MICAL1: variants seen among roughly 807,000 people sequenced by gnomAD.
The protein encoded by MICAL1 is microtubule associated monooxygenase, calponin and LIM domain containing 1, also known as [F-actin]-monooxygenase MICAL1.
Under a neutral mutation model 131.8 loss-of-function variants are expected in MICAL1, and 95 were observed. The ratio of observed to expected loss-of-function variants is 0.72; its 90% CI spans 0.61 to 0.86. MICAL1 has a LOEUF of 0.86. Ranked by LOEUF, MICAL1 falls within the 40% of genes least tolerant of loss-of-function variation. MICAL1 has a pLI of 0.00. For missense variants in MICAL1, 1,292 were observed against 1,380.6 expected (o/e 0.94, Z 1.02); for synonymous variants, 546 against 554.2 (o/e 0.99, Z 0.21).
chr6:109,449,731 T>G lies in MICAL1; in HGVS notation c.1360A>C (p.Asn454His), dbSNP rs1289313634. Residue 454 changes from asparagine to histidine, a missense_variant, in exon 10 of 25, where the codon AAT becomes CAT. Transcript: ENST00000358807. ...SQTSPENMHR[N>H]VAQYGLDPAT... The stretch of plus-strand genomic sequence containing the variant: ...GGGTCCAGCCCATACTGGGCCACAT[T>G]GCGATGCATGTTTTCTGGGGATGTC... 7 of 1,604,574 alleles carry G rather than the reference T, an allele frequency of 4.4e-6. No homozygotes were observed. Among genetic ancestry groups the G allele is most frequent in the Non-Finnish European group, 6.0e-6 (7 of 1,175,352 alleles).
chr6:109,458,274 T>C (rs1775806289), upstream of MICAL1, among the ~76,000 whole-genome samples: 2 of 152,116 alleles, frequency 1.3e-5, no homozygotes, highest in African/African-American at 4.8e-5. Context: ...ATCAAATAAG[T>C]GGGTGACACA....
rs1562288013 is a variant in MICAL1 at position 109,447,238 on chromosome 6, A to C, written c.2071-9T>G. 1 of 1,613,762 alleles carries C rather than the reference A, an allele frequency of 6.2e-7. No individual in the cohort carries two copies. On this transcript the variant is annotated splice_polypyrimidine_tract_variant and intron_variant, in intron 16 of 24. Coordinates refer to ENST00000358807, the MANE Select transcript of MICAL1 (RefSeq NM_022765.4). ...AGGTCCCCAGCACCGGCCTGCGTGG[A>C]CCCCCAGGACACAGGGTCAGGTGGA... is the stretch of plus-strand genomic sequence containing the variant.
intron 15 of MICAL1, 96 bp from the exon 16 acceptor site, chr6:109,447,536 A>G: frequency 4.7e-6 from 7 of 1,493,910 alleles, no homozygotes; most frequent in Non-Finnish European, 6.5e-6. Context: ...AGGGAAGGGG[A>G]GTGAGACTAG....
At chr6:109,454,299 G>A in intron 1 of MICAL1, 60 bp from the exon 2 acceptor site, 1 of 1,464,484 alleles carries the variant, frequency 6.8e-7, no homozygotes, top group Non-Finnish European at 9.1e-7. Flanking sequence ...AAAAGGAAGG[G>A]GAGGCGAAGA....
At position 109,463,866 on chromosome 6, in the gene MICAL1, A is replaced by C. The variant is rs1161748513; in HGVS notation, c.14+1798T>G. 2.6e-5 allele frequency: 4 copies of C among 152,352 alleles called. No homozygotes were observed. In the East Asian group the frequency reaches 7.7e-4, roughly 29 times the overall value. The allele number at this position is 152,352 out of a possible 1,614,324, so 9.4% of individuals were successfully genotyped here. ...TTATGTTTTTAAAAGTTGCTACTAG[A>C]ACATTTAAAGTGACCTATGTTGTTC... On this transcript the variant is annotated intron_variant, in intron 1 of 24. Coordinates refer to the MICAL1 transcript ENST00000630715.
intron 7 of MICAL1, among the ~76,000 whole-genome samples, 167 bp from the exon 8 acceptor site, chr6:109,450,724 G>T (rs536806635): frequency 7.2e-5 from 11 of 152,196 alleles, no homozygotes; most frequent in Admixed American, 1.3e-4. Context: ...AATTCCAGCA[G>T]CCTGGAATTC....
chr6:109,460,424 G>A (rs770823329), upstream of MICAL1, among the ~76,000 whole-genome samples: 442 of 109,294 alleles, frequency 4.0e-3, 1 homozygote, highest in Non-Finnish European at 4.6e-3. Flanking sequence ...AAGACCCTAC[G>A]TAAAAAAAAA....
intron 20 of MICAL1, 30 bp downstream of exon 20, chr6:109,445,741 C>G (rs181659607): frequency 1.3e-6 from 2 of 1,596,598 alleles, no homozygotes; most frequent in East Asian, 4.5e-5. Flanking sequence ...GGCTGGAGAG[C>G]GTTTTGTGGC....
At position 109,450,008 on chromosome 6, in the gene MICAL1, CCACCGCTT is replaced by C; in HGVS notation, c.1261_1268del (p.Lys421GlyfsTer5). ...CCTCTAGGGACTCAGCGCCCTCTGC[CCACCGCTT>C]CACCATCCAGGCTGCATCAAAGGCT... On this transcript the variant is annotated frameshift_variant, in exon 9 of 25. Coordinates refer to ENST00000358807, the MANE Select transcript of MICAL1 (RefSeq NM_022765.4). LOFTEE classifies it high-confidence loss of function. The C allele has an allele frequency of 6.2e-7, 1 of 1,614,094 alleles. No homozygotes were observed. The highest frequency in any genetic ancestry group is 1.7e-5 in the Admixed American group (1 of 60,014).
rs1322332407 is a variant in MICAL1, at chr6:109,444,230, C to T, written c.3165G>A (p.Arg1055=). 1.2e-6 allele frequency: 2 copies of T among 1,613,664 alleles called. No individual in the cohort carries two copies. Among genetic ancestry groups the T allele is most frequent in the Non-Finnish European group, 1.7e-6 (2 of 1,180,036 alleles). ...CTGTCCCCAAGGCCAGCTCGCTGAG[C>T]CTGCGCTCCTCCTGGAAGCGGATGA... The part of the protein sequence containing the change: ...DALIRFQEER[R]LSELALGTGA... Residue 1055 remains arginine (R), a synonymous_variant, in exon 25 of 25, where the codon AGG becomes AGA. Coordinates refer to ENST00000358807, the MANE Select transcript of MICAL1 (RefSeq NM_022765.4).
At chr6:109,446,647 C>T (rs762815196) in intron 18 of MICAL1, 49 bp downstream of exon 18, 3 of 1,584,554 alleles carry the variant, frequency 1.9e-6, no homozygotes, top group African/African-American at 2.7e-5. Flanking sequence ...TGACGAGACC[C>T]TCTTCCTCTT....
chr6:109,454,474 AGGGCACATGGGACACCAG>A (rs1255282462), intron 1 of MICAL1, among the ~76,000 whole-genome samples: 44 of 152,174 alleles, frequency 2.9e-4, no homozygotes, highest in African/African-American at 9.9e-4. Context: ...TTGGGCACAG[AGGGCACATGGGACACCAG>A]GGGAGCCTCC....
In MICAL1 at chr6:109,448,773, TAGCCCATC is replaced by T; in HGVS notation, c.1615_1622del (p.Asp539SerfsTer38). On this transcript the variant is annotated frameshift_variant, in exon 12 of 25. Coordinates refer to ENST00000358807, the MANE Select transcript of MICAL1 (RefSeq NM_022765.4). LOFTEE classifies it high-confidence loss of function. ...GCCGGTACACCAGGGCACACAGAGC[TAGCCCATC>T]AGCCCAGGAGGAAGACAAATCGGAG... 1.9e-6 allele frequency: 3 copies of T among 1,614,090 alleles called. No individual in the cohort carries two copies. The highest frequency in any genetic ancestry group is 1.7e-4 in the Middle Eastern group (1 of 6,060).
Position 109,450,293 on chromosome 6 carries a change from C to A in MICAL1, c.1191+7G>T, listed in dbSNP as rs758670460. ...CATGAAACCCCTGTGCCTCCTGAAC[C>A]CCTCACCTCCACCAGGCAGTCCCCC... On this transcript the variant is annotated splice_region_variant and intron_variant, in intron 8 of 24. Transcript: ENST00000358807. The A allele has an allele frequency of 6.3e-6, 10 of 1,599,900 alleles. No homozygotes were observed. In the African/African-American group the frequency reaches 9.4e-5, roughly 15 times the overall value.
At chr6:109,450,618 C>CAG in intron 7 of MICAL1, 61 bp from the exon 8 acceptor site, 1 of 1,533,788 alleles carries the variant, frequency 6.5e-7, no homozygotes, top group Non-Finnish European at 8.8e-7. Context: ...TGGGCCAGTG[C>CAG]CACCCCCTTG....
At chr6:109,446,502 A>G in intron 18 of MICAL1, 90 bp from the exon 19 acceptor site, 1 of 1,512,426 alleles carries the variant, frequency 6.6e-7, no homozygotes, top group Non-Finnish European at 9.1e-7. Flanking sequence ...ACTTAAAACC[A>G]TTTACAAACA....
rs1323366116 is a variant in MICAL1 at position 109,448,771 on chromosome 6, G to A, written c.1625C>T (p.Ala542Val). Residue 542 changes from alanine to valine, a missense_variant, in exon 12 of 25, where the codon GCT becomes GTT. Transcript: ENST00000358807. ...DLSSSWADGL[A>V]LCALVYRLQP... is the part of the protein sequence containing the mutation. ...CAGCCGGTACACCAGGGCACACAGA[G>A]CTAGCCCATCAGCCCAGGAGGAAGA... The A allele has an allele frequency of 6.2e-7, 1 of 1,614,136 alleles. No homozygotes were observed. The highest frequency in any genetic ancestry group is 8.5e-7 in the Non-Finnish European group (1 of 1,179,992).
At chr6:109,449,163 A>G (rs1775394728) in intron 11 of MICAL1, 2 of 672,174 alleles carry the variant, frequency 3.0e-6, no homozygotes, top group Non-Finnish European at 5.3e-6. Context: ...CAGCACCACT[A>G]TGGCTGTAAC....
chr6:109,449,537 AGGGGTAAGGGCCTGCCG>A (rs776820937), intron 10 of MICAL1, 56 bp from the exon 11 acceptor site: 331 of 1,610,742 alleles, frequency 2.1e-4, no homozygotes, highest in Middle Eastern at 6.6e-4. Flanking sequence ...CCCTGAGTCC[AGGGGTAAGGGCCTGCCG>A]GGGGTAGGAT....
Sources: gnomAD v4.1 joint callset for allele counts (sites outside exome capture counted in the v4.1 genomes callset) on GRCh38, gnomAD v4.1.1 for gene constraint, MANE v1.5 for transcripts, NCBI Gene and HGNC (gene_info 2026-07-23, HGNC 2026-07-21) for gene names.